Variants in CELSR1 observed in about 807,000 individuals in gnomAD.
CELSR1 encodes cadherin EGF LAG seven-pass G-type receptor 1, also known as adhesion G protein-coupled receptor C1.
A neutral mutation model predicts 249.1 loss-of-function variants in CELSR1; 110 were observed. The observed-to-expected ratio is 0.44, with a 90% CI of 0.38 to 0.52. The LOEUF (loss-of-function observed/expected upper bound fraction) is 0.52. Ranked by LOEUF, CELSR1 falls within the 20% of genes least tolerant of loss-of-function variation. The probability of loss-of-function intolerance (pLI) is 0.00; values close to 1 mark genes in which losing one functional copy is unlikely to be tolerated. For missense variants in CELSR1, 4,109 were observed against 4,296.4 expected (o/e 0.96, Z 1.22); for synonymous variants, 2,113 against 1,900.0 (o/e 1.11, Z -2.92).
At chr22:46,383,503 C>T (rs2079000775) in intron 20 of CELSR1, among the ~76,000 whole-genome samples, 1 of 152,134 alleles carries the variant, frequency 6.6e-6, no homozygotes, top group Non-Finnish European at 1.5e-5. Context: ...GAAGGTGATT[C>T]TAAAATGCCT....
rs1450595170 is a variant in CELSR1 at position 46,447,298 on chromosome 22, GAC to G, written c.4184-7889_4184-7888del. Among the ~76,000 whole-genome samples the G allele has an allele frequency of 2.0e-5, 3 of 152,046 alleles. No individual in the cohort carries two copies. Among genetic ancestry groups the G allele is most frequent in the Non-Finnish European group, 4.4e-5 (3 of 68,004 alleles). On this transcript the variant is annotated intron_variant, in intron 2 of 34. Coordinates refer to ENST00000674500, the MANE Select transcript of CELSR1 (RefSeq NM_001378328.1). This position sits in a 1 kb window ranked among gnomAD's most constrained non-coding sequence, Gnocchi z 4.7. ...TTATTTTCTAATAGAGCTTTTATAA[GAC>G]ACACTATTTTCATAAAATAAATGTT...
chr22:46,535,779 G>A lies in CELSR1; in HGVS notation c.1392C>T (p.Tyr464=), dbSNP rs530655787. 4 of 1,612,500 alleles carry A rather than the reference G, an allele frequency of 2.5e-6. No individual in the cohort carries two copies. The highest frequency in any genetic ancestry group is 1.1e-5 in the South Asian group (1 of 91,086). The part of the protein sequence containing the change: ...DNYPQFSEQN[Y]VVQVPEDVGL... Reference sequence around the variant, plus strand: ...CCACGTCCTCGGGCACCTGGACCACGTAGTTCTGCTCGCTGAACTGGGGGT... The same window carrying A: ...CCACGTCCTCGGGCACCTGGACCACATAGTTCTGCTCGCTGAACTGGGGGT... Residue 464 remains tyrosine, a synonymous_variant, in exon 1 of 35, where the codon TAC becomes TAT. Coordinates refer to ENST00000674500, the MANE Select transcript of CELSR1 (RefSeq NM_001378328.1).
At chr22:46,422,397 C>T (rs958542882) in intron 5 of CELSR1, among the ~76,000 whole-genome samples, 30 of 151,774 alleles carry the variant, frequency 2.0e-4, no homozygotes, top group African/African-American at 2.4e-5. Context: ...CGTGAGCCAC[C>T]GTGCCTGGCC....
chr22:46,536,187 G>A lies in CELSR1; in HGVS notation c.984C>T (p.Tyr328=), dbSNP rs372426734. Residue 328 remains tyrosine, a synonymous_variant, in exon 1 of 35, where the codon TAC becomes TAT. Transcript: ENST00000674500. ...TGGTGGCCGAGCGCGGCGGCGTACT[G>A]TAGTCCACGGCTTTCACCCTGAGGA... ...THVLRVKAVD[Y]STPPRSATTY... is the part of the protein sequence containing the mutation. The A allele has an allele frequency of 1.3e-4, 212 of 1,612,778 alleles. No individual in the cohort carries two copies. In the Middle Eastern group the frequency reaches 1.5e-3, roughly 11 times the overall value.
chr22:46,406,555 T>G lies in CELSR1; in HGVS notation c.5226+2441A>C, dbSNP rs954693875. On this transcript the variant is annotated intron_variant, in intron 9 of 34. Coordinates refer to ENST00000674500, the MANE Select transcript of CELSR1 (RefSeq NM_001378328.1). This position sits in a 1 kb window ranked among gnomAD's most constrained non-coding sequence, Gnocchi z 5.4. ...ACTCTCGGTCCTGCCCCCGCCACACTCCAACCAGGCACTCATGATGGGGAG... is the reference window on the plus strand; with the variant it reads ...ACTCTCGGTCCTGCCCCCGCCACACGCCAACCAGGCACTCATGATGGGGAG... 1.1e-4 allele frequency among the ~76,000 whole-genome samples: 16 copies of G among 152,238 alleles called. No individual in the cohort carries two copies. The highest frequency in any genetic ancestry group is 3.9e-4 in the African/African-American group (16 of 41,542).
rs1041931624 is a variant in CELSR1 at position 46,512,521 on chromosome 22, G to A, written c.3544+21106C>T. ...CGGGAGGCGGAGGTTTCAGTGAGCC[G>A]AGATCACACCACTGCACTCCAGCCT... On this transcript the variant is annotated intron_variant, in intron 1 of 34. Coordinates refer to ENST00000674500, the MANE Select transcript of CELSR1 (RefSeq NM_001378328.1). This position sits in a 1 kb window ranked among gnomAD's most constrained non-coding sequence, Gnocchi z 5.2. 4.6e-5 allele frequency among the ~76,000 whole-genome samples: 7 copies of A among 151,472 alleles called. No individual in the cohort carries two copies. Among genetic ancestry groups the A allele is most frequent in the Non-Finnish European group, 8.8e-5 (6 of 67,858 alleles).
chr22:46,389,994 G>T (rs994739307), intron 17 of CELSR1, among the ~76,000 whole-genome samples: 2 of 152,140 alleles, frequency 1.3e-5, no homozygotes, highest in East Asian at 3.9e-4. Context: ...AATGAGCACT[G>T]CTGACAGCTA....
intron 1 of CELSR1, among the ~76,000 whole-genome samples, chr22:46,522,682 C>T (rs149215557): frequency 6.6e-6 from 1 of 152,182 alleles, no homozygotes; most frequent in African/African-American, 2.4e-5. Context: ...AGGAGGTTTC[C>T]CCAATCACAG....
At position 46,381,019 on chromosome 22, in the gene CELSR1, G is replaced by A. The variant is rs181849448; in HGVS notation, c.7089-64C>T. 3.1e-4 allele frequency: 478 copies of A among 1,533,068 alleles called. No homozygotes were observed. The highest frequency in any genetic ancestry group is 1.1e-3 in the Admixed American group (64 of 56,272). The allele number at this position is 1,533,068 out of a possible 1,614,324, so 95.0% of individuals were successfully genotyped here. On this transcript the variant is annotated intron_variant, in intron 21 of 34. Coordinates refer to ENST00000674500, the MANE Select transcript of CELSR1 (RefSeq NM_001378328.1). This position sits in a 1 kb window ranked among gnomAD's most constrained non-coding sequence, Gnocchi z 6.0. The stretch of plus-strand genomic sequence containing the variant: ...GAGGAAACATCTGCTTAAATCCCGC[G>A]CACAAATGCCCTGAGGACACGCCAT...
intron 1 of CELSR1, among the ~76,000 whole-genome samples, chr22:46,523,061 A>T (rs2080701889): frequency 6.6e-6 from 1 of 152,256 alleles, no homozygotes; most frequent in South Asian, 2.1e-4. Context: ...ACAAATGGTT[A>T]TTGCCCTGCA....
chr22:46,409,792 C>T lies in CELSR1; in HGVS notation c.5022G>A (p.Glu1674=). ...CVNRWNMYLC[E]CPLRFGGKNC... is the part of the protein sequence containing the mutation. Reference sequence around the variant, plus strand: ...TCTTCCCGCCGAATCGGAGTGGACACTCACACAGATACATATTCCACCTGT... The same window carrying T: ...TCTTCCCGCCGAATCGGAGTGGACATTCACACAGATACATATTCCACCTGT... The change falls in exon 8 of 35, where the codon GAG becomes GAA. Residue 1674 remains glutamate (E), a synonymous_variant. Transcript: ENST00000674500. The surrounding 1 kb of genome is among the most constrained non-coding windows in gnomAD (Gnocchi z 9.8). The T allele has an allele frequency of 6.2e-7, 1 of 1,613,986 alleles. No homozygotes were observed. Among genetic ancestry groups the T allele is most frequent in the Non-Finnish European group, 8.5e-7 (1 of 1,180,012 alleles).
chr22:46,421,794 A>C (rs112509800), intron 5 of CELSR1, among the ~76,000 whole-genome samples: 13,910 of 152,340 alleles, frequency 0.091, 1,984 homozygotes, highest in African/African-American at 0.31. Flanking sequence ...AGACTGCCTT[A>C]GCAGAGGCCC....
rs1160695982 is a variant in CELSR1, at chr22:46,464,558, C to T, written c.3545-213G>A. 1.3e-5 allele frequency among the ~76,000 whole-genome samples: 2 copies of T among 152,230 alleles called. No homozygotes were observed. Among genetic ancestry groups the T allele is most frequent in the Admixed American group, 1.3e-4 (2 of 15,292 alleles). ...CCCATGACCACCACCTTGACCCTCCCTCCTCCGGCACCCTAACCCCTGCCC... is the reference window on the plus strand; with the variant it reads ...CCCATGACCACCACCTTGACCCTCCTTCCTCCGGCACCCTAACCCCTGCCC... On this transcript the variant is annotated intron_variant, in intron 1 of 34. Transcript: ENST00000674500. This position sits in a 1 kb window ranked among gnomAD's most constrained non-coding sequence, Gnocchi z 8.5.
intron 1 of CELSR1, among the ~76,000 whole-genome samples, chr22:46,491,574 A>C (rs1307681605): frequency 6.7e-6 from 1 of 148,610 alleles, no homozygotes; most frequent in Non-Finnish European, 1.5e-5. Context: ...TGAGAAAGTA[A>C]CTTTTTAAAA....
intron 1 of CELSR1, among the ~76,000 whole-genome samples, chr22:46,516,470 G>A (rs957828547): frequency 4.6e-5 from 7 of 151,830 alleles, no homozygotes; most frequent in African/African-American, 1.7e-4. Context: ...GGTTGGGGGA[G>A]TGGGGAGGGA....
At chr22:46,491,746 T>C (rs997858736) in intron 1 of CELSR1, among the ~76,000 whole-genome samples, 4 of 151,496 alleles carry the variant, frequency 2.6e-5, no homozygotes. Context: ...GCAATTCTCC[T>C]GCCTCAGCCT....
At chr22:46,443,794 T>G (rs2079784088) in intron 2 of CELSR1, among the ~76,000 whole-genome samples, 1 of 152,266 alleles carries the variant, frequency 6.6e-6, no homozygotes, top group African/African-American at 2.4e-5. Flanking sequence ...CTTCCTGGCC[T>G]TTGTAAATCC....
At position 46,374,777 on chromosome 22, in the gene CELSR1, T is replaced by C. The variant is rs1348397926; in HGVS notation, c.7585-1720A>G. ...ACTTCTCAGAGCCTTCCCAGACCAATGCGCGGATGAGAACGTGCCCATTGC... is the reference window on the plus strand; with the variant it reads ...ACTTCTCAGAGCCTTCCCAGACCAACGCGCGGATGAGAACGTGCCCATTGC... On this transcript the variant is annotated intron_variant, in intron 24 of 34. Coordinates refer to ENST00000674500, the MANE Select transcript of CELSR1 (RefSeq NM_001378328.1). This position sits in a 1 kb window ranked among gnomAD's most constrained non-coding sequence, Gnocchi z 4.3. Among the ~76,000 whole-genome samples, 1 of 152,072 alleles carries C rather than the reference T, an allele frequency of 6.6e-6. No individual in the cohort carries two copies. The highest frequency in any genetic ancestry group is 1.5e-5 in the Non-Finnish European group (1 of 68,006).
At chr22:46,511,272 A>G (rs1372998466) in intron 1 of CELSR1, among the ~76,000 whole-genome samples, 1 of 152,158 alleles carries the variant, frequency 6.6e-6, no homozygotes, top group Non-Finnish European at 1.5e-5. Flanking sequence ...ACATGCAACA[A>G]GGGCACACCT....
Sources: gnomAD v4.1 joint callset for allele counts (sites outside exome capture counted in the v4.1 genomes callset) on GRCh38, gnomAD v4.1.1 for gene constraint, Gnocchi (gnomAD v3.1) non-coding constraint, MANE v1.5 for transcripts, NCBI Gene and HGNC (gene_info 2026-07-23, HGNC 2026-07-21) for gene names.